Variants in TTBK2 observed in about 807,000 individuals in gnomAD.
TTBK2 encodes the protein tau-tubulin kinase 2.
Under a neutral mutation model 110.8 loss-of-function variants are expected in TTBK2, and 28 were observed. That is an observed-to-expected ratio of 0.25 (90% confidence interval 0.19 to 0.35). TTBK2 has a LOEUF of 0.35. TTBK2 is among the 10% of genes least tolerant of loss of function. TTBK2 has a pLI of 1.00. For missense variants in TTBK2, 1,369 were observed against 1,500.3 expected (o/e 0.91, Z 1.45); for synonymous variants, 532 against 527.3 (o/e 1.01, Z -0.12).
intron 1 of TTBK2, among the ~76,000 whole-genome samples, chr15:42,899,411 CA>C (rs1567084754): frequency 1.3e-5 from 2 of 151,798 alleles, no homozygotes; most frequent in Non-Finnish European, 2.9e-5. Flanking sequence ...GCCTGGCCAA[CA>C]TGGTGAAACC....
intron 1 of TTBK2, among the ~76,000 whole-genome samples, chr15:42,895,766 T>C (rs1481874703): frequency 1.3e-5 from 2 of 152,024 alleles, no homozygotes; most frequent in Non-Finnish European, 2.9e-5. Flanking sequence ...CTCGATCTCC[T>C]GACCTTGTGA....
At chr15:42,817,704 G>C (rs1377969538) in intron 6 of TTBK2, among the ~76,000 whole-genome samples, 1 of 152,196 alleles carries the variant, frequency 6.6e-6, no homozygotes, top group Admixed American at 6.5e-5. Context: ...TTAGAATAAA[G>C]TCCAAGCTTT....
At chr15:42,858,732 G>A (rs568500387) in intron 3 of TTBK2, among the ~76,000 whole-genome samples, 2 of 152,254 alleles carry the variant, frequency 1.3e-5, no homozygotes, top group Middle Eastern at 3.4e-3. Flanking sequence ...AATCATACAC[G>A]GGAACCAGTG....
chr15:42,829,920 G>A lies in TTBK2; in HGVS notation c.432+18C>T, dbSNP rs1892680269. ...AGTATCAAACTCATTCTGTGCTCTG[G>A]ATAGAAAAGGTCCCTACCGGTTTGA... is the stretch of plus-strand genomic sequence containing the variant. On this transcript the variant is annotated intron_variant, in intron 5 of 14. Coordinates refer to ENST00000267890, the MANE Select transcript of TTBK2 (RefSeq NM_173500.4). 1.9e-6 allele frequency: 3 copies of A among 1,613,758 alleles called. No homozygotes were observed. Among genetic ancestry groups the A allele is most frequent in the South Asian group, 1.1e-5 (1 of 91,070 alleles).
At chr15:42,875,946 G>A (rs1344982035) in intron 2 of TTBK2, among the ~76,000 whole-genome samples, 2 of 148,772 alleles carry the variant, frequency 1.3e-5, no homozygotes, top group African/African-American at 5.0e-5. Flanking sequence ...ACCATCCTGA[G>A]AAGCCACAGC....
chr15:42,813,011 G>A (rs1014288760), intron 7 of TTBK2, among the ~76,000 whole-genome samples: 4 of 151,168 alleles, frequency 2.6e-5, no homozygotes, highest in Non-Finnish European at 5.9e-5. Flanking sequence ...GAAAATCTAA[G>A]AAAGTCTAAT....
At chr15:42,842,210 T>C (rs1031253743) in intron 3 of TTBK2, among the ~76,000 whole-genome samples, 6 of 151,840 alleles carry the variant, frequency 4.0e-5, no homozygotes, top group Non-Finnish European at 7.4e-5. Context: ...AAATGCAACA[T>C]TCAAAGCATG....
intron 3 of TTBK2, among the ~76,000 whole-genome samples, chr15:42,864,153 G>GA (rs1384011561): frequency 1.3e-5 from 2 of 152,158 alleles, no homozygotes; most frequent in African/African-American, 4.8e-5. Context: ...ACAACCTACA[G>GA]AATGGGAGAA....
intron 1 of TTBK2, among the ~76,000 whole-genome samples, chr15:42,891,529 A>C (rs1042794940): frequency 6.8e-6 from 1 of 146,460 alleles, no homozygotes; most frequent in African/African-American, 2.5e-5. Context: ...GATAAAAAAG[A>C]AAAAAAAAAA....
Position 42,828,003 on chromosome 15 carries a change from A to G in TTBK2, c.462T>C (p.Ser154=). 6.2e-7 allele frequency: 1 copy of G among 1,613,594 alleles called. No individual in the cohort carries two copies. Among genetic ancestry groups the G allele is most frequent in the Non-Finnish European group, 8.5e-7 (1 of 1,179,754 alleles). The part of the protein sequence containing the change: ...PSNFAMGRFP[S]TCRKCYMLDF... ...CAAGCATGTAACATTTCCTACATGT[A>G]CTAGGAAAGCGACCCATAGCGAAGT... Residue 154 remains serine, a synonymous_variant, in exon 6 of 15, where the codon AGT becomes AGC. Transcript: ENST00000267890.
chr15:42,900,625 G>A (rs2029934063), intron 1 of TTBK2, among the ~76,000 whole-genome samples: 2 of 152,094 alleles, frequency 1.3e-5, no homozygotes, highest in African/African-American at 4.8e-5. Flanking sequence ...GGGAGACTGA[G>A]TCAGGAGAAT....
At chr15:42,801,665 T>C (rs772145327) in intron 9 of TTBK2, 20 of 892,398 alleles carry the variant, frequency 2.2e-5, no homozygotes, top group Admixed American at 6.8e-5. Flanking sequence ...GAAGCGGCTG[T>C]TGTCCATGAA....
chr15:42,748,951 G>T (rs929512354), intron 14 of TTBK2, among the ~76,000 whole-genome samples: 35 of 152,154 alleles, frequency 2.3e-4, no homozygotes, highest in African/African-American at 5.5e-4. Context: ...TGTTACCAGG[G>T]TCCATTTATC....
chr15:42,802,304 A>T, intron 9 of TTBK2: 1 of 784,010 alleles, frequency 1.3e-6, no homozygotes, highest in Non-Finnish European at 2.3e-6. Flanking sequence ...AAGCTCGAGG[A>T]GCTGATGCAG....
rs557457325 is a variant in TTBK2, at chr15:42,770,967, T to A, written c.1998+4168A>T. Among the ~76,000 whole-genome samples the A allele has an allele frequency of 7.4e-4, 110 of 148,934 alleles. 2 individuals are homozygous for A. The South Asian group carries it at 0.023, about 31-fold the overall frequency. On this transcript the variant is annotated intron_variant, in intron 13 of 14. Transcript: ENST00000267890. ...AAAGCCACATGGAACTATTTCTTTT[T>A]TTTCTTTCCTTTTTTTTTTTCTTTG...
chr15:42,799,096 G>A (rs913620357), intron 9 of TTBK2, among the ~76,000 whole-genome samples: 14 of 152,052 alleles, frequency 9.2e-5, no homozygotes, highest in East Asian at 1.9e-4. Flanking sequence ...TCCACTGGGC[G>A]CGGTGGCTCA....
chr15:42,830,075 G>C lies in TTBK2; in HGVS notation c.295C>G (p.Arg99Gly). ...FNYVVMQLQGRNLADLRRSQS... is the reference protein window; with the variant it reads ...FNYVVMQLQGGNLADLRRSQS... ...CTACGGCGAAGATCTGCCAGATTCC[G>C]ACCCTATGGAAATCAAATAAACACT... The change falls in exon 5 of 15, where the codon CGG becomes GGG. Residue 99 changes from arginine to glycine, a missense_variant. Transcript: ENST00000267890. 6.2e-7 allele frequency: 1 copy of C among 1,614,042 alleles called. No individual in the cohort carries two copies. The highest frequency in any genetic ancestry group is 8.5e-7 in the Non-Finnish European group (1 of 1,180,016).
intron 11 of TTBK2, among the ~76,000 whole-genome samples, chr15:42,780,108 T>C (rs2140788393): frequency 6.6e-6 from 1 of 151,080 alleles, no homozygotes; most frequent in Admixed American, 6.6e-5. Context: ...CTGCAGCTTC[T>C]CCTCCCAGGT....
intron 4 of TTBK2, among the ~76,000 whole-genome samples, chr15:42,831,234 T>G (rs1279121661): frequency 1.3e-5 from 2 of 151,898 alleles, no homozygotes; most frequent in Non-Finnish European, 2.9e-5. Flanking sequence ...AGTTTTTTTG[T>G]GTGTTTTTTG....
Sources: gnomAD v4.1 joint callset for allele counts (sites outside exome capture counted in the v4.1 genomes callset) on GRCh38, gnomAD v4.1.1 for gene constraint, MANE v1.5 for transcripts, NCBI Gene and HGNC (gene_info 2026-07-23, HGNC 2026-07-21) for gene names.